TARS3: variants seen among roughly 807,000 people sequenced by gnomAD.
TARS3 encodes the protein threonine--tRNA ligase 2, cytoplasmic.
A neutral mutation model predicts 103.5 loss-of-function variants in TARS3; 94 were observed. The ratio of observed to expected loss-of-function variants is 0.91; its 90% CI spans 0.77 to 1.08. The LOEUF (loss-of-function observed/expected upper bound fraction) is 1.08, where lower values mean the gene tolerates loss of function less well. Among genes scored for constraint, TARS3 ranks in the 50% least tolerant of loss-of-function variants. TARS3 has a pLI of 0.00. For synonymous variants in TARS3, 416 were observed against 355.4 expected (o/e 1.17, Z -1.92); for missense variants, 952 against 995.2 (o/e 0.96, Z 0.58).
intron 9 of TARS3, 124 bp downstream of exon 9, chr15:101,702,115 G>T: frequency 8.8e-7 from 1 of 1,141,530 alleles, no homozygotes; most frequent in Non-Finnish European, 1.3e-6. Flanking sequence ...CGGACTGTGA[G>T]TGCCAGCAAA....
rs529490398 is a variant in TARS3 at position 101,686,024 on chromosome 15, A to G, written c.1359T>C (p.Ser453=). Residue 453 remains serine (S), a synonymous_variant, in exon 11 of 19, where the codon TCT becomes TCC. Transcript: ENST00000335968. The part of the protein sequence containing the change: ...YHKRDFTEVL[S]PNMYNSKLWE... The stretch of plus-strand genomic sequence containing the variant: ...AGAGTTTACTGTTGTACATATTGGG[A>G]GAGAGCACCTCCGTGAAGTCCCGTT... 78 of 1,613,172 alleles carry G rather than the reference A, an allele frequency of 4.8e-5. No individual in the cohort carries two copies. The South Asian group carries it at 8.4e-4, about 17-fold the overall frequency.
intron 16 of TARS3, among the ~76,000 whole-genome samples, chr15:101,658,545 A>G (rs546981249): frequency 2.0e-5 from 3 of 152,192 alleles, no homozygotes; most frequent in African/African-American, 4.8e-5. Flanking sequence ...TGGGGAAAAA[A>G]GGGCAGCAGG....
intron 18 of TARS3, among the ~76,000 whole-genome samples, chr15:101,656,252 G>C (rs919422055): frequency 1.3e-5 from 2 of 152,262 alleles, no homozygotes; most frequent in Non-Finnish European, 2.9e-5. Flanking sequence ...TAAGAAGCCT[G>C]ACTGAAACAG....
At chr15:101,712,210 C>T (rs1181995738) in intron 4 of TARS3, among the ~76,000 whole-genome samples, 3 of 152,206 alleles carry the variant, frequency 2.0e-5, no homozygotes, top group Non-Finnish European at 4.4e-5. Context: ...GTCACTTGCT[C>T]AGTGCCAGTG....
intron 10 of TARS3, among the ~76,000 whole-genome samples, chr15:101,689,749 C>T (rs1317759563): frequency 6.6e-6 from 1 of 152,150 alleles, no homozygotes; most frequent in Non-Finnish European, 1.5e-5. Context: ...TTCTGGCCTC[C>T]AAAACTGGGA....
chr15:101,673,687 G>A (rs909202869), intron 13 of TARS3, among the ~76,000 whole-genome samples: 1 of 152,144 alleles, frequency 6.6e-6, no homozygotes, highest in Non-Finnish European at 1.5e-5. Flanking sequence ...AACTGAGTCT[G>A]CATCCTTCCC....
chr15:101,672,273 C>A (rs1295302684), intron 13 of TARS3, among the ~76,000 whole-genome samples: 1 of 152,240 alleles, frequency 6.6e-6, no homozygotes, highest in South Asian at 2.1e-4. Context: ...GCATGAGGCT[C>A]CACTTTTGTC....
intron 12 of TARS3, among the ~76,000 whole-genome samples, chr15:101,679,908 C>G (rs533462553): frequency 1.3e-5 from 2 of 152,166 alleles, no homozygotes; most frequent in Admixed American, 6.5e-5. Flanking sequence ...TTCTAGCCCC[C>G]CTCCATGGCC....
At chr15:101,682,854 A>G (rs1053691694) in intron 12 of TARS3, among the ~76,000 whole-genome samples, 1 of 152,176 alleles carries the variant, frequency 6.6e-6, no homozygotes, top group South Asian at 2.1e-4. Flanking sequence ...CTTCTTGAGT[A>G]AAGTTTAATA....
intron 3 of TARS3, among the ~76,000 whole-genome samples, chr15:101,720,840 G>C (rs552132395): frequency 1.3e-5 from 2 of 152,108 alleles, no homozygotes; most frequent in East Asian, 3.9e-4. Flanking sequence ...GGTTTTATAA[G>C]GGGTTTTCCC....
intron 12 of TARS3, among the ~76,000 whole-genome samples, chr15:101,677,731 C>G (rs961551446): frequency 6.6e-6 from 1 of 152,070 alleles, no homozygotes; most frequent in African/African-American, 2.4e-5. Context: ...CTCCCAACCT[C>G]AGGTGATCCA....
Position 101,664,653 on chromosome 15 carries a change from C to T in TARS3, c.1968-2837G>A, listed in dbSNP as rs376476712. 1.8e-4 allele frequency among the ~76,000 whole-genome samples: 27 copies of T among 152,302 alleles called. 1 individual carries two copies. In the South Asian group the frequency reaches 3.9e-3, roughly 22 times the overall value. ...AGATTCACTGCCAAAACAAGACAAC[C>T]GCCTTAGGATTTAAACAAGACACAG... On this transcript the variant is annotated intron_variant, in intron 15 of 18. Coordinates refer to ENST00000335968, the MANE Select transcript of TARS3 (RefSeq NM_152334.3).
intron 12 of TARS3, among the ~76,000 whole-genome samples, chr15:101,676,387 A>C (rs1223870781): frequency 6.6e-6 from 1 of 152,224 alleles, no homozygotes; most frequent in Non-Finnish European, 1.5e-5. Flanking sequence ...TGGCTGAGTC[A>C]ATTAGGAGCA....
rs866549181 is a variant in TARS3 at position 101,708,269 on chromosome 15, A to G, written c.930+524T>C. Among the ~76,000 whole-genome samples, 492 of 150,674 alleles carry G rather than the reference A, an allele frequency of 3.3e-3. 1 individual carries two copies. Among genetic ancestry groups the G allele is most frequent in the Middle Eastern group, 0.017 (5 of 290 alleles). ...AGAGACTCTGTCTGAAAAAAAAAAA[A>G]AAAAAAAAAAAAAAAACCCAAAAAA... On this transcript the variant is annotated intron_variant, in intron 6 of 18. Transcript: ENST00000335968.
intron 8 of TARS3, 47 bp downstream of exon 8, chr15:101,703,812 G>T: frequency 1.8e-6 from 2 of 1,134,888 alleles, no homozygotes; most frequent in Non-Finnish European, 2.7e-6. Flanking sequence ...TCCTTTAATA[G>T]CTAGTGCACC....
chr15:101,713,233 C>T (rs1234651927), intron 4 of TARS3, among the ~76,000 whole-genome samples: 1 of 152,080 alleles, frequency 6.6e-6, no homozygotes, highest in Admixed American at 6.6e-5. Context: ...GGTGAGTGTC[C>T]TGCATTCATG....
intron 13 of TARS3, among the ~76,000 whole-genome samples, chr15:101,674,950 A>G (rs1320183635): frequency 1.3e-5 from 2 of 152,200 alleles, no homozygotes; most frequent in Non-Finnish European, 2.9e-5. Context: ...ATTCCCATGG[A>G]TAAGTGGGGA....
intron 4 of TARS3, among the ~76,000 whole-genome samples, 196 bp from the exon 5 acceptor site, chr15:101,712,197 G>A (rs1166942014): frequency 1.3e-5 from 2 of 152,282 alleles, no homozygotes; most frequent in South Asian, 2.1e-4. Flanking sequence ...ACATTCCACC[G>A]GAGTCACTTG....
chr15:101,674,055 T>G (rs996989690), intron 13 of TARS3, among the ~76,000 whole-genome samples: 4 of 152,194 alleles, frequency 2.6e-5, no homozygotes, highest in African/African-American at 9.7e-5. Context: ...TCATAAGTTT[T>G]AAATTGGGCA....
Sources: allele counts gnomAD v4.1 joint callset (sites outside exome capture counted in the v4.1 genomes callset), GRCh38; gene constraint gnomAD v4.1.1; transcripts MANE v1.5; gene names NCBI Gene and HGNC (gene_info 2026-07-23, HGNC 2026-07-21).